The following STUM variants were observed in gnomAD, a reference collection of about 807,000 sequenced individuals.
STUM encodes the protein stum, mechanosensory transduction mediator homolog.
In STUM, 8 loss-of-function variants were observed where a neutral mutation model predicts 15.3. The ratio of observed to expected loss-of-function variants is 0.52; its 90% CI spans 0.31 to 0.94. The LOEUF is 0.94. Ranked by LOEUF, STUM falls within the 40% of genes least tolerant of loss-of-function variation. The pLI, the probability that STUM is intolerant of heterozygous loss-of-function variation, is 0.05. For missense variants in STUM, 142 were observed against 204.9 expected, an observed-to-expected ratio of 0.69 and a Z score of 1.87; for synonymous variants, 78 against 88.7, an observed-to-expected ratio of 0.88 and a Z score of 0.68.
At chr1:226,574,646 G>A (rs1039383081) in intron 1 of STUM, among the ~76,000 whole-genome samples, 118 of 152,352 alleles carry the variant, frequency 7.7e-4, no homozygotes, top group African/African-American at 2.8e-3. Context: ...GACCCCAAAG[G>A]AAGCTATGCG....
At chr1:226,580,982 C>T (rs1220697485) in intron 1 of STUM, among the ~76,000 whole-genome samples, 1 of 152,218 alleles carries the variant, frequency 6.6e-6, no homozygotes, top group Non-Finnish European at 1.5e-5. Flanking sequence ...TTGGAATCAT[C>T]TTGGTGAATA....
intron 1 of STUM, among the ~76,000 whole-genome samples, chr1:226,585,479 A>C (rs1306231236): frequency 6.6e-6 from 1 of 152,200 alleles, no homozygotes; most frequent in East Asian, 1.9e-4. Context: ...TAGATGGGGA[A>C]ATGAGAAGTG....
intron 1 of STUM, among the ~76,000 whole-genome samples, chr1:226,562,911 G>A (rs1286288132): frequency 2.6e-5 from 4 of 152,190 alleles, no homozygotes; most frequent in Non-Finnish European, 4.4e-5. Context: ...ACTGTGCTAT[G>A]AATATATAAG....
In STUM at chr1:226,586,450, TG is replaced by T. The variant is rs1667999179; in HGVS notation, c.203-10349del. Among the ~76,000 whole-genome samples the T allele has an allele frequency of 2.0e-5, 3 of 152,338 alleles. No individual in the cohort carries two copies. In the South Asian group the frequency reaches 6.2e-4, roughly 32 times the overall value. The stretch of plus-strand genomic sequence containing the variant: ...CACGACATCCATGTTATTTGTTATT[TG>T]GGCAATCAGATGAGGTCCGGGCATT... On this transcript the variant is annotated intron_variant, in intron 1 of 3. Transcript: ENST00000366788.
intron 1 of STUM, among the ~76,000 whole-genome samples, chr1:226,562,830 A>G (rs951234552): frequency 6.6e-6 from 1 of 152,254 alleles, no homozygotes; most frequent in Non-Finnish European, 1.5e-5. Flanking sequence ...TATTGAGACA[A>G]TTGACAAAAA....
At chr1:226,573,510 A>G (rs1473365091) in intron 1 of STUM, among the ~76,000 whole-genome samples, 1 of 152,148 alleles carries the variant, frequency 6.6e-6, no homozygotes, top group Non-Finnish European at 1.5e-5. Flanking sequence ...TTTTCTTTCC[A>G]GCTCTTGGCC....
In STUM at chr1:226,548,880, C is replaced by CGGCT. The variant is rs1450827851; in HGVS notation, c.-23_-20dup. On this transcript the variant is annotated 5_prime_UTR_variant, in exon 1 of 4. Transcript: ENST00000366788. ...GGGCGCCAGCTCCGGCCGTGCTGCCCGGCTGCCTGAGAGCGCGCCCGGCCA... is the reference window on the plus strand; with the variant it reads ...GGGCGCCAGCTCCGGCCGTGCTGCCCGGCTGGCTGCCTGAGAGCGCGCCCGGCCA... The CGGCT allele has an allele frequency of 7.5e-7, 1 of 1,340,358 alleles. No homozygotes were observed. Among genetic ancestry groups the CGGCT allele is most frequent in the Admixed American group, 4.2e-5 (1 of 23,920 alleles). 83.0% of individuals were successfully genotyped at this position (1,340,358 alleles called of 1,614,324 possible). A position where few individuals can be genotyped will look rare whatever the true frequency, so the allele number is the denominator to read the frequency against.
chr1:226,555,497 A>G (rs1041234410), intron 1 of STUM, among the ~76,000 whole-genome samples: 5 of 59,106 alleles, frequency 8.5e-5, no homozygotes, highest in South Asian at 5.5e-4. Context: ...CTGAGACTCA[A>G]CTTTGACTCT....
chr1:226,576,158 G>A (rs925394152), intron 1 of STUM, among the ~76,000 whole-genome samples: 1 of 152,252 alleles, frequency 6.6e-6, no homozygotes. Context: ...GCCGCTCCCT[G>A]GCAGGTGGAG....
At chr1:226,560,330 C>G (rs887638815) in intron 1 of STUM, among the ~76,000 whole-genome samples, 2 of 152,134 alleles carry the variant, frequency 1.3e-5, no homozygotes, top group African/African-American at 4.8e-5. Flanking sequence ...GAAGGGTGAT[C>G]GTTTGGGAAC....
chr1:226,592,271 C>T (rs768814684), intron 1 of STUM, among the ~76,000 whole-genome samples: 2 of 152,214 alleles, frequency 1.3e-5, no homozygotes, highest in Non-Finnish European at 1.5e-5. Context: ...TGGTCTTGAG[C>T]TCCTGACCTC....
chr1:226,600,492 G>C lies in STUM; in HGVS notation c.383-174G>C. ...ATGAGTACTGAGCACTCCCTGCCTGGGGATGGCGTCTGAGAAGCCACTGGC... is the reference window on the plus strand; with the variant it reads ...ATGAGTACTGAGCACTCCCTGCCTGCGGATGGCGTCTGAGAAGCCACTGGC... On this transcript the variant is annotated intron_variant, in intron 2 of 3. Coordinates refer to ENST00000366788, the MANE Select transcript of STUM (RefSeq NM_001003665.4). This position sits in a 1 kb window ranked among gnomAD's most constrained non-coding sequence, Gnocchi z 5.2. 4.2e-6 allele frequency: 3 copies of C among 718,112 alleles called. No homozygotes were observed. Among genetic ancestry groups the C allele is most frequent in the Non-Finnish European group, 7.2e-6 (3 of 418,360 alleles). The allele number at this position is 718,112 out of a possible 1,614,324, so 44.5% of individuals were successfully genotyped here.
Position 226,577,046 on chromosome 1 carries a change from C to CAG in STUM, c.203-19752_203-19751dup, listed in dbSNP as rs149601618. Among the ~76,000 whole-genome samples the CAG allele has an allele frequency of 9.7e-3, 1,483 of 152,286 alleles. 18 individuals are homozygous for CAG. The highest frequency in any genetic ancestry group is 0.034 in the African/African-American group (1,411 of 41,550). On this transcript the variant is annotated intron_variant, in intron 1 of 3. Coordinates refer to ENST00000366788, the MANE Select transcript of STUM (RefSeq NM_001003665.4). ...CCCCTCTACTGCTCACAGCCACATA[C>CAG]AGAGATAGGCATTACTGCTCTTATT...
intron 1 of STUM, among the ~76,000 whole-genome samples, chr1:226,561,771 T>C (rs1016310367): frequency 2.0e-5 from 3 of 152,188 alleles, no homozygotes; most frequent in African/African-American, 7.2e-5. Context: ...GCAGGATATT[T>C]ATTTGCATGA....
At chr1:226,592,620 T>C (rs553782767) in intron 1 of STUM, among the ~76,000 whole-genome samples, 62 of 152,374 alleles carry the variant, frequency 4.1e-4, no homozygotes, top group African/African-American at 1.4e-3. Context: ...TTATTTTCAC[T>C]TCACATTTTC....
At chr1:226,597,793 C>A (rs1052395263) in intron 2 of STUM, among the ~76,000 whole-genome samples, 16 of 152,352 alleles carry the variant, frequency 1.1e-4, no homozygotes, top group Admixed American at 3.3e-4. Flanking sequence ...GTCAGATGGG[C>A]TGCCCGGAAG....
chr1:226,555,079 C>T (rs1248561785), intron 1 of STUM, among the ~76,000 whole-genome samples: 2 of 152,178 alleles, frequency 1.3e-5, no homozygotes, highest in Non-Finnish European at 2.9e-5. Flanking sequence ...TTGGCTTCTA[C>T]AGCACTACTC....
rs1182867156 is a variant in STUM at position 226,605,192 on chromosome 1, C to T, written c.*3152C>T. ...AAGGGGCAGGCAGCATGGTTCCCACCCTCAGCTGCCCCAGACCCACACATC... is the reference window on the plus strand; with the variant it reads ...AAGGGGCAGGCAGCATGGTTCCCACTCTCAGCTGCCCCAGACCCACACATC... On this transcript the variant is annotated 3_prime_UTR_variant, in exon 4 of 4. Coordinates refer to ENST00000366788, the MANE Select transcript of STUM (RefSeq NM_001003665.4). The surrounding 1 kb of genome is among the most constrained non-coding windows in gnomAD (Gnocchi z 4.0). 6.6e-6 allele frequency: 1 copy of T among 152,340 alleles called. No homozygotes were observed. Among genetic ancestry groups the T allele is most frequent in the East Asian group, 1.9e-4 (1 of 5,192 alleles). The allele number at this position is 152,340 out of a possible 1,614,324, so 9.4% of individuals were successfully genotyped here.
intron 1 of STUM, among the ~76,000 whole-genome samples, chr1:226,582,897 C>G (rs1667941376): frequency 6.6e-6 from 1 of 152,182 alleles, no homozygotes; most frequent in Admixed American, 6.5e-5. Context: ...CATGACAAAC[C>G]TCCCTAAAAC....
Sources: allele counts gnomAD v4.1 joint callset (sites outside exome capture counted in the v4.1 genomes callset), GRCh38; gene constraint gnomAD v4.1.1; non-coding constraint Gnocchi (gnomAD v3.1); transcripts MANE v1.5; gene names NCBI Gene and HGNC (gene_info 2026-07-23, HGNC 2026-07-21).